MAD1L1: variants seen among roughly 807,000 people sequenced by gnomAD.
The protein encoded by MAD1L1 is mitotic arrest deficient 1 like 1, also known as mitotic spindle assembly checkpoint protein MAD1.
In MAD1L1, 95 loss-of-function variants were observed where a neutral mutation model predicts 96.9. The ratio of observed to expected loss-of-function variants is 0.98; its 90% confidence interval spans 0.83 to 1.16. MAD1L1 has a LOEUF of 1.16. Among genes scored for constraint, MAD1L1 ranks in the 50% most tolerant of loss-of-function variants. The pLI is 0.00. For missense variants in MAD1L1, 1,007 were observed against 954.4 expected, an observed-to-expected ratio of 1.06 and a Z score of -0.73; for synonymous variants, 473 against 396.6, an observed-to-expected ratio of 1.19 and a Z score of -2.29.
At chr7:2,139,229 A>AC (rs1377117314) in intron 11 of MAD1L1, among the ~76,000 whole-genome samples, 1 of 151,890 alleles carries the variant, frequency 6.6e-6, no homozygotes, top group Non-Finnish European at 1.5e-5. Context: ...CGGGGATCAC[A>AC]CGGCCCGACC....
chr7:1,993,453 G>A (rs563290471), intron 14 of MAD1L1, among the ~76,000 whole-genome samples: 1 of 151,866 alleles, frequency 6.6e-6, no homozygotes, highest in East Asian at 1.9e-4. Flanking sequence ...CATTCTGAAA[G>A]AGAAAATAAC....
At chr7:1,946,170 C>A (rs1013830432) in intron 16 of MAD1L1, among the ~76,000 whole-genome samples, 1 of 152,228 alleles carries the variant, frequency 6.6e-6, no homozygotes, top group South Asian at 2.1e-4. Flanking sequence ...GCCACCCCTG[C>A]CCTCTGTGCA....
chr7:2,224,613 G>A (rs1291713220), intron 4 of MAD1L1, among the ~76,000 whole-genome samples: 18 of 152,268 alleles, frequency 1.2e-4, no homozygotes, highest in Admixed American at 6.5e-4. Context: ...ATGTCAGGGC[G>A]GGGCTGGACA....
At chr7:2,024,724 C>T (rs1562617328) in intron 12 of MAD1L1, among the ~76,000 whole-genome samples, 1 of 152,154 alleles carries the variant, frequency 6.6e-6, no homozygotes, top group Non-Finnish European at 1.5e-5. Context: ...TGGGCACTTC[C>T]TACAGTCACT....
intron 12 of MAD1L1, among the ~76,000 whole-genome samples, chr7:2,022,031 C>T (rs1782809703): frequency 6.6e-6 from 1 of 152,140 alleles, no homozygotes; most frequent in Non-Finnish European, 1.5e-5. Context: ...TCATAGCTCA[C>T]TGCAACCTCT....
At chr7:1,853,581 C>G (rs1347187918) in intron 18 of MAD1L1, among the ~76,000 whole-genome samples, 5 of 152,190 alleles carry the variant, frequency 3.3e-5, no homozygotes, top group Non-Finnish European at 7.4e-5. Context: ...AGCCCCCACC[C>G]TGCCTGCCTG....
chr7:2,214,106 CAT>C (rs1378176807), intron 9 of MAD1L1, among the ~76,000 whole-genome samples: 3 of 152,232 alleles, frequency 2.0e-5, no homozygotes, highest in African/African-American at 7.2e-5. Context: ...GAGCACTTTG[CAT>C]AGACTCATGT....
chr7:1,867,706 G>A (rs1784845533), intron 18 of MAD1L1, among the ~76,000 whole-genome samples: 1 of 152,244 alleles, frequency 6.6e-6, no homozygotes, highest in African/African-American at 2.4e-5. Context: ...CCGGGGCAGA[G>A]CTCCTGCAGG....
intron 11 of MAD1L1, among the ~76,000 whole-genome samples, chr7:2,128,541 C>T (rs920182669): frequency 4.6e-5 from 7 of 152,210 alleles, no homozygotes; most frequent in African/African-American, 9.7e-5. Flanking sequence ...AAGGCCCTGA[C>T]GGGAGTCCCT....
At chr7:2,127,477 G>T (rs1251712296) in intron 11 of MAD1L1, among the ~76,000 whole-genome samples, 1 of 152,210 alleles carries the variant, frequency 6.6e-6, no homozygotes, top group Non-Finnish European at 1.5e-5. Flanking sequence ...GCTGTGCCAC[G>T]GAGGAGCAGC....
chr7:2,095,326 G>A (rs536794804), intron 11 of MAD1L1, among the ~76,000 whole-genome samples: 6 of 152,320 alleles, frequency 3.9e-5, no homozygotes, highest in South Asian at 2.1e-4. Flanking sequence ...TTACAGGCAT[G>A]AGCCACGGCG....
At chr7:2,211,160 G>A (rs922084027) in intron 10 of MAD1L1, among the ~76,000 whole-genome samples, 7 of 152,118 alleles carry the variant, frequency 4.6e-5, no homozygotes, top group African/African-American at 1.2e-4. Flanking sequence ...GGCACAGGCA[G>A]CCCACCTCCA....
intron 10 of MAD1L1, among the ~76,000 whole-genome samples, 173 bp downstream of exon 10, chr7:2,213,039 C>T (rs1298939054): frequency 1.3e-5 from 2 of 152,244 alleles, no homozygotes; most frequent in Non-Finnish European, 2.9e-5. Context: ...GGTTCCACTG[C>T]CCCATCCGCT....
intron 15 of MAD1L1, among the ~76,000 whole-genome samples, chr7:1,958,457 G>A (rs527376257): frequency 2.8e-4 from 42 of 152,240 alleles, no homozygotes; most frequent in African/African-American, 6.3e-4. Context: ...ACTCGACACC[G>A]CACAGGGACA....
At chr7:1,836,046 G>A (rs1782922301) in intron 18 of MAD1L1, among the ~76,000 whole-genome samples, 1 of 152,138 alleles carries the variant, frequency 6.6e-6, no homozygotes, top group Non-Finnish European at 1.5e-5. Context: ...TTTTAAGACG[G>A]AGTCTCACTC....
intron 11 of MAD1L1, among the ~76,000 whole-genome samples, chr7:2,140,900 C>T (rs1437430583): frequency 6.6e-6 from 1 of 152,248 alleles, no homozygotes; most frequent in Non-Finnish European, 1.5e-5. Context: ...CATCCACTTC[C>T]ACATCCCTTA....
At chr7:2,206,263 A>G (rs1562370795) in intron 10 of MAD1L1, among the ~76,000 whole-genome samples, 1 of 152,240 alleles carries the variant, frequency 6.6e-6, no homozygotes. Context: ...ACATGTTAAT[A>G]TCTCGCAAAT....
At chr7:2,165,987 T>C (rs1313242796) in intron 10 of MAD1L1, among the ~76,000 whole-genome samples, 1 of 152,208 alleles carries the variant, frequency 6.6e-6, no homozygotes, top group Non-Finnish European at 1.5e-5. Flanking sequence ...AAGTAAGTCC[T>C]GGGGTCCATA....
At chr7:1,886,467 T>TCGC (rs1363728893) in intron 18 of MAD1L1, among the ~76,000 whole-genome samples, 1 of 152,150 alleles carries the variant, frequency 6.6e-6, no homozygotes, top group East Asian at 1.9e-4. Context: ...CAGCAGGTCC[T>TCGC]CGATTCATGA....
Sources: gnomAD v4.1 joint callset for allele counts (sites outside exome capture counted in the v4.1 genomes callset) on GRCh38, gnomAD v4.1.1 for gene constraint, MANE v1.5 for transcripts, NCBI Gene and HGNC (gene_info 2026-07-23, HGNC 2026-07-21) for gene names.